The following NDRG2 variants were observed in gnomAD, a reference collection of about 807,000 sequenced individuals.
NDRG2 encodes the protein NDRG family member 2.
In NDRG2, 34 loss-of-function variants were observed where a neutral mutation model predicts 58.2. The ratio of observed to expected loss-of-function variants is 0.58; its 90% confidence interval spans 0.44 to 0.78. The LOEUF is 0.78. Ranked by LOEUF, NDRG2 falls within the 30% of genes least tolerant of loss-of-function variation. The pLI is 0.00. For missense variants in NDRG2, 434 were observed against 471.2 expected, an observed-to-expected ratio of 0.92 and a Z score of 0.73; for synonymous variants, 187 against 175.9, an observed-to-expected ratio of 1.06 and a Z score of -0.50.
intron 1 of NDRG2, among the ~76,000 whole-genome samples, chr14:21,036,794 C>A (rs1384896469): frequency 6.6e-6 from 1 of 152,238 alleles, no homozygotes; most frequent in Non-Finnish European, 1.5e-5. Context: ...ACTTAGAAAG[C>A]CTCTGCTGGG....
chr14:21,035,000 A>G (rs1884524438), intron 1 of NDRG2, among the ~76,000 whole-genome samples: 1 of 152,220 alleles, frequency 6.6e-6, no homozygotes, highest in South Asian at 2.1e-4. Context: ...CAAGGTGAGT[A>G]GGAAAGCACT....
At chr14:21,044,737 A>T (rs1393553666) in intron 1 of NDRG2, among the ~76,000 whole-genome samples, 1 of 151,940 alleles carries the variant, frequency 6.6e-6, no homozygotes, top group Non-Finnish European at 1.5e-5. Flanking sequence ...TTCTTCCTTT[A>T]TCTCAGTCCC....
Position 21,017,778 on chromosome 14 carries a change from G to C in NDRG2, c.950-16C>G, listed in dbSNP as rs757715719. The C allele has an allele frequency of 1.9e-6, 3 of 1,602,768 alleles. No homozygotes were observed. In the East Asian group the frequency reaches 6.8e-5, roughly 36 times the overall value. ...GATGAGGCCACTGTGGAGACAGCAC[G>C]ATGCACAAGCAGTCAGAGAGGAAGT... On this transcript the variant is annotated splice_polypyrimidine_tract_variant and intron_variant, in intron 15 of 15. Transcript: ENST00000556147.
At chr14:21,023,139 G>A in intron 2 of NDRG2, 102 bp downstream of exon 2, 1 of 1,030,762 alleles carries the variant, frequency 9.7e-7, no homozygotes, top group Non-Finnish European at 1.5e-6. Context: ...TGAAGCAGTG[G>A]TGTGAGTTAG....
upstream of NDRG2, chr14:21,025,757 G>T (rs2139050799): frequency 2.1e-6 from 2 of 942,968 alleles, no homozygotes; most frequent in African/African-American, 3.5e-5. This position sits in a 1 kb window ranked among gnomAD's most constrained non-coding sequence, Gnocchi z 5.1. Flanking sequence ...GGAGGTGGGG[G>T]CGGGGAATGC....
At chr14:21,032,208 G>A (rs1296928530) in intron 1 of NDRG2, 2 of 968,062 alleles carry the variant, frequency 2.1e-6, no homozygotes, top group East Asian at 5.2e-5. Flanking sequence ...GAGCCTACTA[G>A]TGTAGAGAGA....
intron 1 of NDRG2, among the ~76,000 whole-genome samples, chr14:21,069,090 C>T (rs1373947237): frequency 6.6e-6 from 1 of 152,278 alleles, no homozygotes; most frequent in Non-Finnish European, 1.5e-5. Flanking sequence ...CTCCTCTCCT[C>T]TCCCTTCCGT....
chr14:21,055,189 G>A (rs1885621224), intron 1 of NDRG2, among the ~76,000 whole-genome samples: 1 of 152,114 alleles, frequency 6.6e-6, no homozygotes, highest in Non-Finnish European at 1.5e-5. Context: ...GTTGTGACTG[G>A]CACTGTTCCT....
intron 4 of NDRG2, 84 bp from the exon 5 acceptor site, chr14:21,022,266 C>CA (rs1370572554): frequency 7.5e-5 from 120 of 1,603,028 alleles, no homozygotes; most frequent in Admixed American, 1.5e-4. Context: ...CCTTTCATGC[C>CA]ACAGTCAGAC....
intron 1 of NDRG2, chr14:21,031,961 C>A (rs369062428): frequency 5.6e-6 from 9 of 1,614,134 alleles, no homozygotes; most frequent in East Asian, 2.2e-5. Flanking sequence ...CCACAAGGAG[C>A]GCTTTGATGA....
intron 1 of NDRG2, among the ~76,000 whole-genome samples, chr14:21,053,185 CT>C (rs1885540256): frequency 6.6e-6 from 1 of 152,164 alleles, no homozygotes; most frequent in Admixed American, 6.5e-5. Context: ...CAAAAACCAT[CT>C]GTTGGTAACG....
At position 21,020,868 on chromosome 14, in the gene NDRG2, G is replaced by A. The variant is rs758336381; in HGVS notation, c.408-24C>T. ...AACTGTGAAAGGGAAAGAAATATAC[G>A]CCTCATGGGATCTGCTGTCCAAAAC... is the stretch of plus-strand genomic sequence containing the variant. On this transcript the variant is annotated intron_variant, in intron 6 of 15. Coordinates refer to ENST00000556147, the MANE Select transcript of NDRG2 (RefSeq NM_001320329.2). 11 of 1,611,660 alleles carry A rather than the reference G, an allele frequency of 6.8e-6. No homozygotes were observed. In the African/African-American group the frequency reaches 8.0e-5, roughly 12 times the overall value.
intron 1 of NDRG2, among the ~76,000 whole-genome samples, chr14:21,051,333 A>C (rs1207674493): frequency 6.6e-6 from 1 of 152,222 alleles, no homozygotes; most frequent in Non-Finnish European, 1.5e-5. Flanking sequence ...GGAACATAGA[A>C]AAGCCTCAGT....
chr14:21,049,537 A>T (rs1410097201), intron 1 of NDRG2, among the ~76,000 whole-genome samples: 1 of 151,946 alleles, frequency 6.6e-6, no homozygotes. Flanking sequence ...GGGCTCTCCC[A>T]GTAGTAATCA....
At chr14:21,018,978 G>A in intron 11 of NDRG2, 138 bp downstream of exon 11, 2 of 1,249,892 alleles carry the variant, frequency 1.6e-6, no homozygotes, top group Non-Finnish European at 2.2e-6. Context: ...AGACCTAGAG[G>A]GAAGTGATTT....
At chr14:21,040,660 C>G (rs1484978181) in intron 1 of NDRG2, among the ~76,000 whole-genome samples, 1 of 152,212 alleles carries the variant, frequency 6.6e-6, no homozygotes, top group Non-Finnish European at 1.5e-5. Context: ...GTTACCTGCT[C>G]CAGCCACACT....
At chr14:21,059,018 G>A (rs570166673) in intron 1 of NDRG2, among the ~76,000 whole-genome samples, 1 of 152,344 alleles carries the variant, frequency 6.6e-6, no homozygotes, top group South Asian at 2.1e-4. Flanking sequence ...TGGGAAGCTG[G>A]CTTGATTCTG....
chr14:21,033,040 C>G (rs190261954), intron 1 of NDRG2: 1 of 451,134 alleles, frequency 2.2e-6, no homozygotes, highest in Admixed American at 2.4e-5. Flanking sequence ...TTGGGAGGAG[C>G]TTCTGGAAGA....
chr14:21,018,987 T>C, intron 11 of NDRG2, 129 bp downstream of exon 11: 2 of 1,271,890 alleles, frequency 1.6e-6, no homozygotes, highest in Non-Finnish European at 2.2e-6. Context: ...GGGAAGTGAT[T>C]TACCAAATAG....
Sources: gnomAD v4.1 joint callset for allele counts (sites outside exome capture counted in the v4.1 genomes callset) on GRCh38, gnomAD v4.1.1 for gene constraint, Gnocchi (gnomAD v3.1) non-coding constraint, MANE v1.5 for transcripts, NCBI Gene and HGNC (gene_info 2026-07-23, HGNC 2026-07-21) for gene names.